The following AGTRAP variants were observed in gnomAD, a reference collection of about 807,000 sequenced individuals.
AGTRAP encodes the protein angiotensin II receptor associated protein.
Under a neutral mutation model 15.2 loss-of-function variants are expected in AGTRAP, and 7 were observed. The observed-to-expected ratio is 0.46, with a 90% confidence interval of 0.26 to 0.87. The LOEUF (loss-of-function observed/expected upper bound fraction) is 0.87. Among genes scored for constraint, AGTRAP ranks in the 40% least tolerant of loss-of-function variants. AGTRAP has a pLI of 0.15. For synonymous variants in AGTRAP, 74 were observed against 89.6 expected, an observed-to-expected ratio of 0.83 and a Z score of 0.98; for missense variants, 187 against 213.4, an observed-to-expected ratio of 0.88 and a Z score of 0.77.
chr1:11,750,580 A>G lies in AGTRAP; in HGVS notation c.*388A>G. On this transcript the variant is annotated 3_prime_UTR_variant, in exon 5 of 5. Coordinates refer to ENST00000314340, the MANE Select transcript of AGTRAP (RefSeq NM_020350.5). ...TTGCTGGGCTTTGGTGGAAGCCCTG[A>G]GAGCTTCAGGTCCTGCTCAGCCCGA... is the stretch of plus-strand genomic sequence containing the variant. 2.1e-6 allele frequency: 1 copy of G among 475,384 alleles called. No individual in the cohort carries two copies. 29.4% of individuals were successfully genotyped at this position (475,384 alleles called of 1,614,324 possible).
At chr1:11,739,409 G>C (rs1001008593) in intron 1 of AGTRAP, among the ~76,000 whole-genome samples, 2 of 152,100 alleles carry the variant, frequency 1.3e-5, no homozygotes, top group Non-Finnish European at 1.5e-5. Flanking sequence ...AAATTAGCTG[G>C]GTGTGGTGGT....
At chr1:11,736,263 C>T (rs931986484) in intron 1 of AGTRAP, 28 bp downstream of exon 1, 1 of 1,601,678 alleles carries the variant, frequency 6.2e-7, no homozygotes, top group Admixed American at 1.8e-5. Context: ...GGAGGGTCCC[C>T]TTTGCGGGAG....
rs1557699895 is a variant in AGTRAP at position 11,736,172 on chromosome 1, CGCG to C, written c.-34_-32del. 1.9e-6 allele frequency: 3 copies of C among 1,590,420 alleles called. No homozygotes were observed. The South Asian group carries it at 3.4e-5, about 18-fold the overall frequency. On this transcript the variant is annotated 5_prime_UTR_variant, in exon 1 of 5. Coordinates refer to ENST00000314340, the MANE Select transcript of AGTRAP (RefSeq NM_020350.5). ...CCGAGTTCGGAGCCTAGGAGCCCCC[CGCG>C]GCTGCGGCGCAGGTGCCCTCGGCCT...
rs761120138 is a variant in AGTRAP at position 11,736,215 on chromosome 1, C to T, written c.7C>T (p.Leu3=). 1.6e-4 allele frequency: 257 copies of T among 1,607,208 alleles called. No individual in the cohort carries two copies. The highest frequency in any genetic ancestry group is 2.1e-4 in the Non-Finnish European group (252 of 1,177,638). Residue 3 remains leucine (L), a synonymous_variant, in exon 1 of 5, where the codon CTG becomes TTG. Coordinates refer to ENST00000314340, the MANE Select transcript of AGTRAP (RefSeq NM_020350.5). ME[L]PAVNLKVILL... is the part of the protein sequence containing the mutation. ...GCCCTCGGCCTGAGTCGGGATGGAG[C>T]TGCCTGCTGTGAACCTGAAGGTGGC...
chr1:11,745,760 G>T lies in AGTRAP; in HGVS notation c.28-43G>T, dbSNP rs1326428594. 1 of 1,610,934 alleles carries T rather than the reference G, an allele frequency of 6.2e-7. No homozygotes were observed. The highest frequency in any genetic ancestry group is 2.2e-5 in the East Asian group (1 of 44,860). On this transcript the variant is annotated intron_variant, in intron 1 of 4. Transcript: ENST00000314340. The surrounding 1 kb of genome is among the most constrained non-coding windows in gnomAD (Gnocchi z 4.2). Reference sequence around the variant, plus strand: ...CCGACGCTTTCCTGCCCCTGTGGTGGTCATGTTCACAGACCTCTTCTCTCC... The same window carrying T: ...CCGACGCTTTCCTGCCCCTGTGGTGTTCATGTTCACAGACCTCTTCTCTCC...
chr1:11,748,356 CGGGGGAGCCACGGAGCGTGGT>C (rs1642221714), intron 3 of AGTRAP, 38 bp from the exon 4 acceptor site: 1 of 1,548,338 alleles, frequency 6.5e-7, no homozygotes, highest in Non-Finnish European at 8.8e-7. Context: ...CGGTGTGTGG[CGGGGGAGCCACGGAGCGTGGT>C]GGGGGTGTTG....
intron 1 of AGTRAP, among the ~76,000 whole-genome samples, chr1:11,740,253 C>A (rs994751873): frequency 1.3e-4 from 20 of 152,230 alleles, no homozygotes; most frequent in African/African-American, 4.8e-4. Context: ...CCCCTCTTTC[C>A]CTGGGCTGCC....
chr1:11,737,055 G>A (rs368973089), intron 1 of AGTRAP, among the ~76,000 whole-genome samples: 23 of 152,244 alleles, frequency 1.5e-4, no homozygotes, highest in African/African-American at 4.8e-4. Flanking sequence ...ATCCAGGAAT[G>A]TCCTCTTACT....
intron 1 of AGTRAP, chr1:11,744,468 C>T: frequency 1.4e-6 from 1 of 702,472 alleles, no homozygotes; most frequent in Non-Finnish European, 2.7e-6. Flanking sequence ...TACCTGTCCC[C>T]AGCTACCCTC....
chr1:11,742,118 C>T (rs984753184), intron 1 of AGTRAP, among the ~76,000 whole-genome samples: 2 of 152,246 alleles, frequency 1.3e-5, no homozygotes, highest in African/African-American at 2.4e-5. Flanking sequence ...TGAAGGCCTG[C>T]GCCCCCAGCG....
At chr1:11,746,846 T>C (rs1418881230) in intron 2 of AGTRAP, among the ~76,000 whole-genome samples, 1 of 152,248 alleles carries the variant, frequency 6.6e-6, no homozygotes, top group South Asian at 2.1e-4. Context: ...AATGTCAGTA[T>C]CAGTACCCTA....
chr1:11,742,472 CCT>C (rs1642056620), intron 1 of AGTRAP, among the ~76,000 whole-genome samples: 2 of 150,964 alleles, frequency 1.3e-5, no homozygotes, highest in African/African-American at 4.9e-5. Flanking sequence ...TTCTTTCCTT[CCT>C]TTTCTTTCTT....
rs1642289372 is a variant in AGTRAP at position 11,750,357 on chromosome 1, C to T, written c.*165C>T. 2 of 701,116 alleles carry T rather than the reference C, an allele frequency of 2.9e-6. No homozygotes were observed. Among genetic ancestry groups the T allele is most frequent in the African/African-American group, 1.8e-5 (1 of 57,016 alleles). The allele number at this position is 701,116 out of a possible 1,614,324, so 43.4% of individuals were successfully genotyped here. Reference sequence around the variant, plus strand: ...AGGAGCCCCCATGGGCCGCCCAGTACCATGCACACTCCTGTCCCGAACTCC... The same window carrying T: ...AGGAGCCCCCATGGGCCGCCCAGTATCATGCACACTCCTGTCCCGAACTCC... On this transcript the variant is annotated 3_prime_UTR_variant, in exon 5 of 5. Transcript: ENST00000314340.
chr1:11,746,376 G>A, intron 2 of AGTRAP: 1 of 662,124 alleles, frequency 1.5e-6, no homozygotes, highest in East Asian at 2.8e-5. Context: ...AGATAAGATG[G>A]TTTATTCAAA....
At chr1:11,741,574 T>G (rs78471919) in intron 1 of AGTRAP, among the ~76,000 whole-genome samples, 3 of 152,264 alleles carry the variant, frequency 2.0e-5, no homozygotes, top group African/African-American at 7.2e-5. Flanking sequence ...TGCCTCAGTT[T>G]CCCCATCTTT....
intron 1 of AGTRAP, chr1:11,744,711 G>T (rs748657242): frequency 1.8e-6 from 1 of 562,592 alleles, no homozygotes; most frequent in Non-Finnish European, 3.2e-6. Context: ...CTTGGATCTC[G>T]CACAAGGAAG....
At chr1:11,748,378 G>T in intron 3 of AGTRAP, 37 bp from the exon 4 acceptor site, 2 of 1,590,716 alleles carry the variant, frequency 1.3e-6, no homozygotes, top group South Asian at 1.1e-5. Context: ...GGAGCGTGGT[G>T]GGGGTGTTGT....
rs1335650334 is a variant in AGTRAP, at chr1:11,750,633, C to T, written c.*441C>T. 2.8e-6 allele frequency: 1 copy of T among 362,834 alleles called. No individual in the cohort carries two copies. Among genetic ancestry groups the T allele is most frequent in the Non-Finnish European group, 5.1e-6 (1 of 196,478 alleles). The allele number at this position is 362,834 out of a possible 1,614,324, so 22.5% of individuals were successfully genotyped here. A position where few individuals can be genotyped will look rare whatever the true frequency, so the allele number is the denominator to read the frequency against. On this transcript the variant is annotated 3_prime_UTR_variant, in exon 5 of 5. Transcript: ENST00000314340. ...AGCAGTCTGGCATGGGAGTGAGGCC[C>T]CGTCCTTCTCACTGCCTGGTCACAT...
chr1:11,739,277 G>T (rs147391579), intron 1 of AGTRAP, among the ~76,000 whole-genome samples: 2 of 152,182 alleles, frequency 1.3e-5, no homozygotes, highest in South Asian at 2.1e-4. Flanking sequence ...TGGGCCAGGC[G>T]TGGTGGCTCA....
Sources: gnomAD v4.1 joint callset for allele counts (sites outside exome capture counted in the v4.1 genomes callset) on GRCh38, gnomAD v4.1.1 for gene constraint, Gnocchi (gnomAD v3.1) non-coding constraint, MANE v1.5 for transcripts, NCBI Gene and HGNC (gene_info 2026-07-23, HGNC 2026-07-21) for gene names.